Variants in PRKAR2B observed in about 807,000 individuals in gnomAD.
The protein encoded by PRKAR2B is cAMP-dependent protein kinase type II-beta regulatory subunit.
In PRKAR2B, 14 loss-of-function variants were observed where a neutral mutation model predicts 49.9. The ratio of observed to expected loss-of-function variants is 0.28; its 90% CI spans 0.19 to 0.44. The LOEUF is 0.44. PRKAR2B is among the 20% of genes least tolerant of loss of function. PRKAR2B has a pLI of 1.00. For synonymous variants in PRKAR2B, 196 were observed against 197.7 expected, an observed-to-expected ratio of 0.99 and a Z score of 0.07; for missense variants, 393 against 537.9, an observed-to-expected ratio of 0.73 and a Z score of 2.67.
At chr7:107,073,679 C>G (rs1025581690) in intron 2 of PRKAR2B, among the ~76,000 whole-genome samples, 9 of 152,120 alleles carry the variant, frequency 5.9e-5, no homozygotes, top group Admixed American at 5.2e-4. Flanking sequence ...CTCATGGTCC[C>G]ATTTTTAAAC....
intron 2 of PRKAR2B, among the ~76,000 whole-genome samples, chr7:107,071,861 C>T (rs778113275): frequency 6.6e-6 from 1 of 151,986 alleles, no homozygotes; most frequent in African/African-American, 2.4e-5. Context: ...GTCAGGAGAT[C>T]AAGGCCATCC....
At chr7:107,062,511 T>TAA (rs1256036630) in intron 1 of PRKAR2B, among the ~76,000 whole-genome samples, 1 of 152,168 alleles carries the variant, frequency 6.6e-6, no homozygotes, top group Non-Finnish European at 1.5e-5. Context: ...CAGGCAAAGC[T>TAA]AAACTACAGT....
intron 5 of PRKAR2B, among the ~76,000 whole-genome samples, chr7:107,144,589 T>G (rs1331524805): frequency 1.3e-5 from 2 of 151,942 alleles, no homozygotes; most frequent in Non-Finnish European, 2.9e-5. Context: ...GCCTTCCAAG[T>G]AGCTAGGAGT....
intron 2 of PRKAR2B, among the ~76,000 whole-genome samples, chr7:107,110,254 C>T (rs1795147304): frequency 6.6e-6 from 1 of 152,102 alleles, no homozygotes; most frequent in East Asian, 1.9e-4. Flanking sequence ...TTGCCCATCC[C>T]AACAGTTGGA....
At chr7:107,094,986 C>T (rs778576278) in intron 2 of PRKAR2B, among the ~76,000 whole-genome samples, 24 of 152,044 alleles carry the variant, frequency 1.6e-4, no homozygotes, top group Admixed American at 1.3e-4. Context: ...CTTGGCAATA[C>T]GGGCTCTTTT....
Position 107,159,779 on chromosome 7 carries a change from T to G in PRKAR2B, c.*197T>G. On this transcript the variant is annotated 3_prime_UTR_variant, in exon 11 of 11. Transcript: ENST00000265717. ...ACATCACTTTCTAAAGAGTAGTTCA[T>G]AAAAAAATCAACATACTGATAAAAT... The G allele has an allele frequency of 4.1e-6, 2 of 481,938 alleles. No individual in the cohort carries two copies. The highest frequency in any genetic ancestry group is 1.1e-3 in the Middle Eastern group (2 of 1,854). 29.9% of individuals were successfully genotyped at this position (481,938 alleles called of 1,614,324 possible).
intron 2 of PRKAR2B, among the ~76,000 whole-genome samples, chr7:107,099,893 G>A (rs978478973): frequency 1.3e-5 from 2 of 151,994 alleles, no homozygotes; most frequent in Admixed American, 6.6e-5. Context: ...CTTGGCCTCC[G>A]TAAGTGTTGG....
At chr7:107,088,209 G>A (rs192234411) in intron 2 of PRKAR2B, among the ~76,000 whole-genome samples, 1 of 152,240 alleles carries the variant, frequency 6.6e-6, no homozygotes, top group Non-Finnish European at 1.5e-5. Context: ...GTTGGAGGTG[G>A]GTTCTTCAGC....
chr7:107,077,225 A>T (rs1401132982), intron 2 of PRKAR2B: 1 of 152,222 alleles, frequency 6.6e-6, no homozygotes. Context: ...ATACTACTTT[A>T]ATTAATATAC....
chr7:107,120,950 G>T (rs1795375458), intron 2 of PRKAR2B, among the ~76,000 whole-genome samples: 1 of 149,866 alleles, frequency 6.7e-6, no homozygotes, highest in Admixed American at 6.6e-5. Context: ...CATTTGCTAT[G>T]GCTTAAAATC....
chr7:107,108,264 A>T (rs748338595), intron 2 of PRKAR2B, among the ~76,000 whole-genome samples: 1 of 152,210 alleles, frequency 6.6e-6, no homozygotes, highest in Non-Finnish European at 1.5e-5. Context: ...GAAAATTACC[A>T]AAAGAGGATT....
chr7:107,153,069 C>G, intron 7 of PRKAR2B, 108 bp from the exon 8 acceptor site: 1 of 612,924 alleles, frequency 1.6e-6, no homozygotes, highest in East Asian at 2.8e-5. Context: ...ACAACCTACA[C>G]ACTGCTCGAT....
intron 2 of PRKAR2B, among the ~76,000 whole-genome samples, chr7:107,094,196 T>C (rs1794791148): frequency 6.6e-6 from 1 of 152,234 alleles, no homozygotes; most frequent in Non-Finnish European, 1.5e-5. Context: ...TTTTTAATGA[T>C]CGCCATTCTA....
intron 1 of PRKAR2B, among the ~76,000 whole-genome samples, chr7:107,065,799 A>G (rs527845518): frequency 2.0e-5 from 3 of 152,334 alleles, no homozygotes; most frequent in African/African-American, 7.2e-5. Flanking sequence ...GGCATTGGGC[A>G]TGAAGAGGTG....
At chr7:107,086,433 C>G (rs1303126894) in intron 2 of PRKAR2B, among the ~76,000 whole-genome samples, 1 of 151,874 alleles carries the variant, frequency 6.6e-6, no homozygotes. Flanking sequence ...AGTAGCATTA[C>G]TAATATTAGT....
At chr7:107,154,525 C>T (rs779856918) in intron 8 of PRKAR2B, among the ~76,000 whole-genome samples, 7 of 152,230 alleles carry the variant, frequency 4.6e-5, no homozygotes, top group Admixed American at 3.9e-4. Flanking sequence ...AGGAGATATG[C>T]TATACTTAGG....
intron 2 of PRKAR2B, among the ~76,000 whole-genome samples, chr7:107,104,295 A>G (rs1245911017): frequency 1.3e-5 from 2 of 152,138 alleles, no homozygotes; most frequent in Non-Finnish European, 2.9e-5. Flanking sequence ...TCTGCCTCCC[A>G]AAGTGCTGGG....
chr7:107,062,441 C>G (rs1248935280), intron 1 of PRKAR2B, among the ~76,000 whole-genome samples: 1 of 152,050 alleles, frequency 6.6e-6, no homozygotes, highest in Non-Finnish European at 1.5e-5. Context: ...TAAGGGAATA[C>G]TACTCATCAA....
intron 2 of PRKAR2B, among the ~76,000 whole-genome samples, chr7:107,072,939 T>G (rs2116776260): frequency 1.3e-5 from 2 of 152,308 alleles, no homozygotes; most frequent in Middle Eastern, 6.8e-3. Context: ...ACGTAAGAGT[T>G]TGTTTTTTAT....
Sources: gnomAD v4.1 joint callset for allele counts (sites outside exome capture counted in the v4.1 genomes callset) on GRCh38, gnomAD v4.1.1 for gene constraint, MANE v1.5 for transcripts, NCBI Gene and HGNC (gene_info 2026-07-23, HGNC 2026-07-21) for gene names.